ASXL3: variants seen among roughly 807,000 people sequenced by gnomAD.
The protein encoded by ASXL3 is putative Polycomb group protein ASXL3.
In ASXL3, 34 loss-of-function variants were observed where a neutral mutation model predicts 170.6. That is an observed-to-expected ratio of 0.20 (90% CI 0.15 to 0.27). The LOEUF (loss-of-function observed/expected upper bound fraction) is 0.27. Among genes scored for constraint, ASXL3 ranks in the 10% least tolerant of loss-of-function variants. The pLI, the probability that ASXL3 is intolerant of heterozygous loss-of-function variation, is 1.00. For missense variants in ASXL3, 2,592 were observed against 2,695.3 expected, an observed-to-expected ratio of 0.96 and a Z score of 0.85; for synonymous variants, 1,002 against 989.1, an observed-to-expected ratio of 1.01 and a Z score of -0.24.
At chr18:33,597,074 C>T (rs2065134132) in intron 1 of ASXL3, among the ~76,000 whole-genome samples, 1 of 152,138 alleles carries the variant, frequency 6.6e-6, no homozygotes, top group African/African-American at 2.4e-5. Context: ...CTTGGCCTCC[C>T]AGTGTGCTAG....
chr18:33,686,040 G>A lies in ASXL3; in HGVS notation c.879+2472G>A, dbSNP rs1334377731. On this transcript the variant is annotated intron_variant, in intron 8 of 11. Transcript: ENST00000269197. ...ATAACGGATTGTCTTAGTTTTAGTC[G>A]AATATTGATGGCCAGAATCTAAGCC... Among the ~76,000 whole-genome samples the A allele has an allele frequency of 4.6e-5, 7 of 152,176 alleles. No homozygotes were observed. In the East Asian group the frequency reaches 5.8e-4, roughly 13 times the overall value.
intron 8 of ASXL3, among the ~76,000 whole-genome samples, chr18:33,687,374 A>T (rs2145295145): frequency 6.6e-6 from 1 of 152,288 alleles, no homozygotes; most frequent in East Asian, 1.9e-4. Flanking sequence ...GGAAATGTGA[A>T]TTTGATTACA....
intron 2 of ASXL3, among the ~76,000 whole-genome samples, chr18:33,631,147 A>G (rs888730814): frequency 2.0e-5 from 3 of 152,030 alleles, no homozygotes; most frequent in African/African-American, 7.2e-5. Context: ...CCATGGAGAA[A>G]ATATTTTTAG....
In ASXL3 at chr18:33,683,583, TA is replaced by T; in HGVS notation, c.879+16del. On this transcript the variant is annotated intron_variant, in intron 8 of 11. Coordinates refer to ENST00000269197, the MANE Select transcript of ASXL3 (RefSeq NM_030632.3). ...TGGATAGGCAGGTAAGTAGAAGTTT[TA>T]GACATTTGATACCAGCCACTAGTTA... is the stretch of plus-strand genomic sequence containing the variant. 1 of 1,603,426 alleles carries T rather than the reference TA, an allele frequency of 6.2e-7. No individual in the cohort carries two copies. Among genetic ancestry groups the T allele is most frequent in the Non-Finnish European group, 8.5e-7 (1 of 1,174,748 alleles).
intron 4 of ASXL3, among the ~76,000 whole-genome samples, chr18:33,659,927 C>G (rs2066144273): frequency 6.6e-6 from 1 of 152,104 alleles, no homozygotes; most frequent in South Asian, 2.1e-4. Context: ...CTAAGTTTTT[C>G]CTTGTCGGGG....
At chr18:33,710,063 C>T (rs965698181) in intron 8 of ASXL3, among the ~76,000 whole-genome samples, 9 of 152,178 alleles carry the variant, frequency 5.9e-5, no homozygotes, top group Admixed American at 5.9e-4. Flanking sequence ...TGAGACCAGC[C>T]TGACCAACGT....
At chr18:33,611,215 G>A (rs1022425190) in intron 2 of ASXL3, among the ~76,000 whole-genome samples, 4 of 151,904 alleles carry the variant, frequency 2.6e-5, no homozygotes, top group African/African-American at 9.7e-5. Context: ...GAGTAGGATT[G>A]AATTCTATTT....
chr18:33,649,733 G>A (rs902453328), intron 4 of ASXL3: 1 of 152,218 alleles, frequency 6.6e-6, no homozygotes, highest in South Asian at 2.1e-4. Context: ...TTAAGCTGAT[G>A]TGGAGGTGAG....
rs1163125917 is a variant in ASXL3 at position 33,738,703 on chromosome 18, A to G, written c.1299A>G (p.Ile433Met). The part of the protein sequence containing the change: ...CPMVEIPPKD[I>M]MAELESEDIL... The stretch of plus-strand genomic sequence containing the variant: ...TGGTAGAAATTCCACCTAAAGATAT[A>G]ATGGCAGAATTGGAGTCAGAGGATA... Residue 433 changes from isoleucine to methionine, a missense_variant, in exon 11 of 12, where the codon ATA (isoleucine) becomes ATG (methionine). Ile to Met is a conservative substitution (Grantham distance 10). This residue lies in a region of ASXL3 where 2,246 missense variants were observed against 2,219.6 expected (regional missense o/e 1.01). Transcript: ENST00000269197. 1.2e-6 allele frequency: 2 copies of G among 1,613,838 alleles called. No homozygotes were observed. The highest frequency in any genetic ancestry group is 1.7e-6 in the Non-Finnish European group (2 of 1,179,854).
At chr18:33,710,028 G>A (rs1185859918) in intron 8 of ASXL3, among the ~76,000 whole-genome samples, 1 of 152,200 alleles carries the variant, frequency 6.6e-6, no homozygotes, top group African/African-American at 2.4e-5. Flanking sequence ...GGCTGAGGCG[G>A]GTGGATCACC....
rs1334049137 is a variant in ASXL3 at position 33,740,377 on chromosome 18, A to G, written c.2973A>G (p.Ile991Met). 6.2e-7 allele frequency: 1 copy of G among 1,608,730 alleles called. No homozygotes were observed. The highest frequency in any genetic ancestry group is 1.3e-5 in the African/African-American group (1 of 74,660). Residue 991 changes from isoleucine to methionine, a missense_variant, in exon 11 of 12, where the codon ATA becomes ATG. Transcript: ENST00000269197. ...AAGATGATCAGTCAACCCGGAACATATCATCTAGCAGCCCACCTGAGAAAG... is the reference window on the plus strand; with the variant it reads ...AAGATGATCAGTCAACCCGGAACATGTCATCTAGCAGCCCACCTGAGAAAG... The part of the protein sequence containing the change: ...RIEDDQSTRN[I>M]SSSSPPEKEQ...
At chr18:33,587,162 G>A (rs117397109) in intron 1 of ASXL3, among the ~76,000 whole-genome samples, 11 of 152,214 alleles carry the variant, frequency 7.2e-5, no homozygotes, top group East Asian at 3.9e-4. Context: ...ACCCCAGGCC[G>A]TAAGAAGCCC....
chr18:33,606,266 G>A (rs779947979), intron 1 of ASXL3, among the ~76,000 whole-genome samples: 2 of 151,572 alleles, frequency 1.3e-5, no homozygotes, highest in Non-Finnish European at 2.9e-5. Flanking sequence ...CTTCCTTCCC[G>A]TTCACATATT....
intron 2 of ASXL3, among the ~76,000 whole-genome samples, chr18:33,629,609 C>T (rs1223941503): frequency 6.6e-6 from 1 of 151,848 alleles, no homozygotes; most frequent in African/African-American, 2.4e-5. Context: ...TCTTTTCTAC[C>T]CCGATTACAT....
At chr18:33,649,887 T>TC (rs1407470768) in intron 4 of ASXL3, among the ~76,000 whole-genome samples, 3 of 152,058 alleles carry the variant, frequency 2.0e-5, no homozygotes, top group Non-Finnish European at 4.4e-5. Flanking sequence ...GGATGTATTT[T>TC]CAGAGCTGAT....
intron 1 of ASXL3, among the ~76,000 whole-genome samples, chr18:33,594,534 C>T (rs2065107875): frequency 6.6e-6 from 1 of 152,156 alleles, no homozygotes; most frequent in Non-Finnish European, 1.5e-5. Flanking sequence ...GATCCAACCC[C>T]TATTTCATAG....
intron 8 of ASXL3, among the ~76,000 whole-genome samples, chr18:33,714,548 G>C (rs2067132350): frequency 6.6e-6 from 1 of 152,098 alleles, no homozygotes; most frequent in Non-Finnish European, 1.5e-5. Context: ...CAAAACACAT[G>C]GTTCGTTCTA....
chr18:33,663,500 T>C (rs2066210715), intron 5 of ASXL3, among the ~76,000 whole-genome samples: 1 of 152,102 alleles, frequency 6.6e-6, no homozygotes, highest in South Asian at 2.1e-4. Context: ...GATTTTTTTG[T>C]TTTTGTGTTT....
Position 33,578,550 on chromosome 18 carries a change from G to A in ASXL3, c.-82G>A. 1 of 871,814 alleles carries A rather than the reference G, an allele frequency of 1.1e-6. No individual in the cohort carries two copies. The highest frequency in any genetic ancestry group is 3.5e-5 in the Admixed American group (1 of 28,858). The allele number at this position is 871,814 out of a possible 1,614,324, so 54.0% of individuals were successfully genotyped here. A position where few individuals can be genotyped will look rare whatever the true frequency, so the allele number is the denominator to read the frequency against. On this transcript the variant is annotated 5_prime_UTR_variant, in exon 1 of 12. Coordinates refer to ENST00000269197, the MANE Select transcript of ASXL3 (RefSeq NM_030632.3). ...AGCGAGTGCGGGTCACCGGGTCACT[G>A]GGTCATTGTCTCCGCGCCCGAACCC...
Sources: gnomAD v4.1 joint callset for allele counts (sites outside exome capture counted in the v4.1 genomes callset) on GRCh38, gnomAD v4.1.1 for gene constraint, gnomAD v4.1.1 regional missense constraint, MANE v1.5 for transcripts, NCBI Gene and HGNC (gene_info 2026-07-23, HGNC 2026-07-21) for gene names.